CUL4B: variants seen among roughly 807,000 people sequenced by gnomAD.
The protein encoded by CUL4B is cullin 4B, also known as cullin-4B.
A neutral mutation model predicts 69.2 loss-of-function variants in CUL4B; 1 was observed. That is an observed-to-expected ratio of 0.01 (90% CI 0.01 to 0.07). The LOEUF is 0.07. CUL4B is among the 10% of genes least tolerant of loss of function. The probability of loss-of-function intolerance (pLI) is 1.00; values close to 1 mark genes in which losing one functional copy is unlikely to be tolerated. For missense variants in CUL4B, 328 were observed against 638.8 expected (o/e 0.51, Z 5.24); for synonymous variants, 237 against 223.2 (o/e 1.06, Z -0.55).
chrX:120,543,039 A>G lies in CUL4B; in HGVS notation c.1257-6T>C, dbSNP rs749446807. The G allele has an allele frequency of 1.7e-6, 2 of 1,146,617 alleles. No homozygotes were observed. The highest frequency in any genetic ancestry group is 2.4e-4 in the Middle Eastern group (1 of 4,125). The allele number at this position is 1,146,617 out of a possible 1,213,427, so 94.5% of individuals were successfully genotyped here. A position where few individuals can be genotyped will look rare whatever the true frequency, so the allele number is the denominator to read the frequency against. On this transcript the variant is annotated splice_polypyrimidine_tract_variant and splice_region_variant and intron_variant, in intron 8 of 19. Transcript: ENST00000371322. ...CAGTAGCAATTAATGACTTCCTACA[A>G]GGAAAAAAAAAAAGGTTAGTATTAT... is the stretch of plus-strand genomic sequence containing the variant.
intron 10 of CUL4B, among the ~76,000 whole-genome samples, chrX:120,541,139 C>T (rs372966245): frequency 1.8e-5 from 2 of 112,441 alleles, no homozygotes; most frequent in African/African-American, 6.5e-5. Flanking sequence ...CACACAGCTA[C>T]CATTCTCAGG....
At chrX:120,546,045 T>A (rs929098159) in intron 4 of CUL4B, among the ~76,000 whole-genome samples, 17 of 110,482 alleles carry the variant, frequency 1.5e-4, no homozygotes, top group South Asian at 1.5e-3. Context: ...GAAAAAAAAA[T>A]AAGAGTGACA....
rs769247744 is a variant in CUL4B at position 120,524,180 on chromosome X, T to C, written c.*2581A>G. ...ACTCAGGAACTGGGTTCAAAAACTT[T>C]GAGGAACATCTTACTCTGAGAGTAT... On this transcript the variant is annotated 3_prime_UTR_variant, in exon 20 of 20. Coordinates refer to ENST00000371322, the MANE Select transcript of CUL4B (RefSeq NM_001079872.2). Among the ~76,000 whole-genome samples the C allele has an allele frequency of 9.0e-6, 1 of 111,419 alleles. No homozygotes were observed. The highest frequency in any genetic ancestry group is 9.6e-5 in the Admixed American group (1 of 10,403).
At chrX:120,527,708 A>G (rs1159319885) in intron 19 of CUL4B, among the ~76,000 whole-genome samples, 1 of 112,201 alleles carries the variant, frequency 8.9e-6, no homozygotes, top group Admixed American at 9.4e-5. Context: ...CAAAGTTTTG[A>G]CTGCAACCTG....
At chrX:120,554,377 C>T (rs1924851599) in intron 2 of CUL4B, among the ~76,000 whole-genome samples, 1 of 111,932 alleles carries the variant, frequency 8.9e-6, no homozygotes, top group African/African-American at 3.2e-5. Flanking sequence ...TTTAATCAGT[C>T]TTATTTGCAG....
chrX:120,543,646 C>T, intron 8 of CUL4B, 81 bp downstream of exon 8: 1 of 673,714 alleles, frequency 1.5e-6, no homozygotes, highest in Non-Finnish European at 2.5e-6. Flanking sequence ...AAAACAGTTA[C>T]TAACATGTTT....
chrX:120,535,708 A>C, intron 16 of CUL4B, 122 bp downstream of exon 16: 10 of 271,140 alleles, frequency 3.7e-5, no homozygotes, highest in East Asian at 7.8e-5. Context: ...CTGTCTCAAA[A>C]AAAAAAAAAA....
In CUL4B at chrX:120,537,163, A is replaced by G. The variant is rs1923721880; in HGVS notation, c.1939-129T>C. ...CTGACCATCCTTAAAATAAAAGGCA[A>G]CTATTAAGAAGACTTTAAATGAAAC... On this transcript the variant is annotated intron_variant, in intron 14 of 19. Transcript: ENST00000371322. 7.7e-6 allele frequency: 4 copies of G among 518,515 alleles called. No individual in the cohort carries two copies. The Admixed American group carries it at 1.2e-4, about 15-fold the overall frequency. The allele number at this position is 518,515 out of a possible 1,213,427, so 42.7% of individuals were successfully genotyped here.
At chrX:120,561,561 G>T (rs1383526966), upstream of CUL4B, 1 of 307,377 alleles carries the variant, frequency 3.3e-6, no homozygotes, top group Non-Finnish European at 5.7e-6. Context: ...AGGGGGTGGG[G>T]GGGGTGGCGG....
At chrX:120,539,645 A>G (rs1923870483) in intron 11 of CUL4B, among the ~76,000 whole-genome samples, 3 of 111,894 alleles carry the variant, frequency 2.7e-5, no homozygotes, top group Non-Finnish European at 5.6e-5. Flanking sequence ...TAGGATACGG[A>G]TATCCTGTGG....
At chrX:120,539,449 G>A in intron 11 of CUL4B, 77 bp from the exon 12 acceptor site, 1 of 538,566 alleles carries the variant, frequency 1.9e-6, no homozygotes, top group Non-Finnish European at 3.1e-6. Flanking sequence ...ACCCAAAGAG[G>A]AGTATGATAC....
chrX:120,535,690 G>GTC, intron 16 of CUL4B, 140 bp downstream of exon 16: 1 of 393,663 alleles, frequency 2.5e-6, no homozygotes, highest in Non-Finnish European at 4.2e-6. Context: ...TGGTGACAGA[G>GTC]TGAGACTCTG....
rs1922989858 is a variant in CUL4B, at chrX:120,526,736, C to A, written c.*25G>T. The A allele has an allele frequency of 1.2e-5, 12 of 1,030,467 alleles. No homozygotes were observed. In the Admixed American group the frequency reaches 1.6e-4, roughly 13 times the overall value. 84.9% of individuals were successfully genotyped at this position (1,030,467 alleles called of 1,213,427 possible). A position where few individuals can be genotyped will look rare whatever the true frequency, so the allele number is the denominator to read the frequency against. ...TTTATCCACTGGCTACTGCATATGA[C>A]ACCAAATGCTGCAAGGCCAACATTC... On this transcript the variant is annotated 3_prime_UTR_variant, in exon 20 of 20. Transcript: ENST00000371322.
chrX:120,535,636 G>T (rs1471337028), intron 16 of CUL4B, among the ~76,000 whole-genome samples, 194 bp downstream of exon 16: 2 of 98,157 alleles, frequency 2.0e-5, no homozygotes, highest in Non-Finnish European at 4.0e-5. Context: ...AACCCAGGAG[G>T]CAGAGGTTGC....
At chrX:120,564,376 C>T (rs750435583), upstream of CUL4B, among the ~76,000 whole-genome samples, 14 of 110,983 alleles carry the variant, frequency 1.3e-4, no homozygotes, top group African/African-American at 4.3e-4. Context: ...GAGGCTGAGG[C>T]GGGCCGATCA....
chrX:120,538,601 A>G, intron 13 of CUL4B, 59 bp downstream of exon 13: 1 of 788,416 alleles, frequency 1.3e-6, no homozygotes, highest in Non-Finnish European at 1.9e-6. Flanking sequence ...GAAAGGGTAA[A>G]AAGCTAACAT....
At chrX:120,534,363 A>C in intron 17 of CUL4B, 118 bp downstream of exon 17, 1 of 567,464 alleles carries the variant, frequency 1.8e-6, no homozygotes, top group Non-Finnish European at 3.0e-6. Context: ...TCATTAAAAA[A>C]AAAGAAAAAA....
chrX:120,543,350 A>G (rs1224617679), intron 8 of CUL4B, among the ~76,000 whole-genome samples: 2 of 111,386 alleles, frequency 1.8e-5, no homozygotes, highest in African/African-American at 3.3e-5. Flanking sequence ...TAGGAAGGTA[A>G]AGAAGTACTA....
At chrX:120,572,821 T>A (rs965701089) in intron 2 of CUL4B, among the ~76,000 whole-genome samples, 9 of 111,803 alleles carry the variant, frequency 8.0e-5, no homozygotes, top group African/African-American at 2.9e-4. Context: ...CTTAAAAAAA[T>A]CTAATTATCA....
Sources: gnomAD v4.1 joint callset for allele counts (sites outside exome capture counted in the v4.1 genomes callset) on GRCh38, gnomAD v4.1.1 for gene constraint, MANE v1.5 for transcripts, NCBI Gene and HGNC (gene_info 2026-07-23, HGNC 2026-07-21) for gene names.